The following PSME3 variants were observed in gnomAD, a reference collection of about 807,000 sequenced individuals.
PSME3 encodes the protein proteasome activator subunit 3, also known as proteasome activator complex subunit 3.
PSME3 carries 7 observed loss-of-function variants against 38.3 expected under a neutral mutation model. The observed-to-expected ratio is 0.18, with a 90% CI of 0.10 to 0.34. The LOEUF is 0.34. PSME3 is among the 10% of genes least tolerant of loss of function. PSME3 has a pLI of 1.00. For missense variants in PSME3, 192 were observed against 307.6 expected (o/e 0.62, Z 2.81); for synonymous variants, 108 against 105.7 (o/e 1.02, Z -0.13).
intron 3 of PSME3, 87 bp downstream of exon 3, chr17:42,834,664 C>G: frequency 6.3e-7 from 1 of 1,599,226 alleles, no homozygotes; most frequent in South Asian, 1.1e-5. Context: ...GATTCTTCTT[C>G]TTTTTATTTT....
intron 5 of PSME3, among the ~76,000 whole-genome samples, 178 bp from the exon 6 acceptor site, chr17:42,837,915 C>G (rs1404098469): frequency 2.0e-5 from 3 of 152,178 alleles, no homozygotes; most frequent in Non-Finnish European, 2.9e-5. Flanking sequence ...GTTTTAGACG[C>G]TCATCTGTAG....
Position 42,838,089 on chromosome 17 carries a change from C to T in PSME3, c.293-4C>T. On this transcript the variant is annotated splice_polypyrimidine_tract_variant and splice_region_variant and intron_variant, in intron 5 of 10. Coordinates refer to ENST00000590720, the MANE Select transcript of PSME3 (RefSeq NM_005789.4). ...TGATCATTTGACCTTCACATCTCTGCCAGGAACCAAGGTGTTTGTGATGCC... is the reference window on the plus strand; with the variant it reads ...TGATCATTTGACCTTCACATCTCTGTCAGGAACCAAGGTGTTTGTGATGCC... 6.2e-7 allele frequency: 1 copy of T among 1,614,042 alleles called. No individual in the cohort carries two copies. The highest frequency in any genetic ancestry group is 8.5e-7 in the Non-Finnish European group (1 of 1,179,934).
intron 10 of PSME3, among the ~76,000 whole-genome samples, chr17:42,840,140 G>A (rs1371184728): frequency 6.6e-6 from 1 of 151,486 alleles, no homozygotes; most frequent in Non-Finnish European, 1.5e-5. Context: ...AAATTTAGCC[G>A]GGCGTGGCGG....
In PSME3 at chr17:42,838,222, T is replaced by G. The variant is rs550362663; in HGVS notation, c.405+17T>G. On this transcript the variant is annotated intron_variant, in intron 6 of 10. Coordinates refer to ENST00000590720, the MANE Select transcript of PSME3 (RefSeq NM_005789.4). ...TGTAACACGGTGAGGCACAGGCTGG[T>G]GACCTATGGGCCGGCCCCAAGTACC... 1.2e-5 allele frequency: 20 copies of G among 1,613,404 alleles called. No homozygotes were observed. The South Asian group carries it at 2.1e-4, about 17-fold the overall frequency.
Position 42,833,681 on chromosome 17 carries a change from C to T in PSME3, c.42+8C>T, listed in dbSNP as rs2055426074. ...CAGGAAGTGAAGCTCAAGGTAGCGG[C>T]ACCGGTCCGGCCTTTTTGCCCCTCG... On this transcript the variant is annotated splice_region_variant and intron_variant, in intron 1 of 10. Coordinates refer to ENST00000590720, the MANE Select transcript of PSME3 (RefSeq NM_005789.4). 20 of 1,614,126 alleles carry T rather than the reference C, an allele frequency of 1.2e-5. No homozygotes were observed. The highest frequency in any genetic ancestry group is 1.5e-5 in the Non-Finnish European group (18 of 1,180,046).
rs143326386 is a variant in PSME3, at chr17:42,840,701, A to G, written c.685-797A>G. 2.8e-3 allele frequency among the ~76,000 whole-genome samples: 419 copies of G among 152,354 alleles called. 1 individual carries two copies. Among genetic ancestry groups the G allele is most frequent in the African/African-American group, 9.3e-3 (386 of 41,580 alleles). Reference sequence around the variant, plus strand: ...GATAACACATTGAAGGACCTGGTACAATTCTTACTATGTTAAGTGCACAAT... The same window carrying G: ...GATAACACATTGAAGGACCTGGTACGATTCTTACTATGTTAAGTGCACAAT... On this transcript the variant is annotated intron_variant, in intron 10 of 10. Transcript: ENST00000590720.
chr17:42,833,838 A>C, intron 1 of PSME3, 165 bp downstream of exon 1: 1 of 1,535,404 alleles, frequency 6.5e-7, no homozygotes, highest in Non-Finnish European at 8.8e-7. Context: ...GCGGGAGAGG[A>C]AAATATAGGA....
intron 2 of PSME3, 49 bp from the exon 3 acceptor site, chr17:42,834,466 G>GAGAC (rs1195587993): frequency 1.2e-6 from 2 of 1,601,332 alleles, no homozygotes; most frequent in Non-Finnish European, 1.7e-6. Flanking sequence ...GAGAGAGAGA[G>GAGAC]AGACCTTCCC....
intron 4 of PSME3, 83 bp downstream of exon 4, chr17:42,834,959 G>A: frequency 1.3e-6 from 2 of 1,562,738 alleles, no homozygotes; most frequent in South Asian, 1.2e-5. Context: ...GATGTACAGA[G>A]GGAACAGTGG....
chr17:42,835,724 CAAAAA>C (rs543220645), intron 4 of PSME3, among the ~76,000 whole-genome samples: 1 of 121,990 alleles, frequency 8.2e-6, no homozygotes, highest in Non-Finnish European at 1.8e-5. Context: ...GACTCTGTCT[CAAAAA>C]AAAAAAAAGA....
At chr17:42,833,806 C>G (rs781064700) in intron 1 of PSME3, 133 bp downstream of exon 1, 1 of 1,583,270 alleles carries the variant, frequency 6.3e-7, no homozygotes, top group Non-Finnish European at 8.6e-7. Context: ...CAGCCCAGCC[C>G]CCAACTCCCG....
At position 42,834,845 on chromosome 17, in the gene PSME3, T is replaced by G. The variant is rs2055442674; in HGVS notation, c.212T>G (p.Leu71Arg). 3.1e-6 allele frequency: 5 copies of G among 1,614,066 alleles called. No individual in the cohort carries two copies. Among genetic ancestry groups the G allele is most frequent in the Non-Finnish European group, 4.2e-6 (5 of 1,179,970 alleles). ...AATCTCCCAGTCCCTGACCCCATTCTTCTCACCAATAGCCATGATGGACTG... is the reference window on the plus strand; with the variant it reads ...AATCTCCCAGTCCCTGACCCCATTCGTCTCACCAATAGCCATGATGGACTG... ...DMNLPVPDPILLTNSHDGLDG... is the reference protein window; with the variant it reads ...DMNLPVPDPIRLTNSHDGLDG... The change falls in exon 4 of 11, where the codon CTT (leucine) becomes CGT (arginine). Residue 71 changes from leucine (L) to arginine (R), a missense_variant. By Grantham distance (102) the Leu-to-Arg change is moderately radical. Around this residue, in one of 2 missense-constraint regions of PSME3, gnomAD observed 110 missense variants for 139.3 expected, o/e 0.79. Transcript: ENST00000590720.
intron 5 of PSME3, 78 bp from the exon 6 acceptor site, chr17:42,838,015 T>C: frequency 6.9e-7 from 1 of 1,455,922 alleles, no homozygotes; most frequent in East Asian, 2.3e-5. Context: ...CTGATAGGTA[T>C]AGGGAAAATG....
At position 42,841,504 on chromosome 17, in the gene PSME3, C is replaced by T; in HGVS notation, c.691C>T (p.Leu231=). The change falls in exon 11 of 11, where the codon CTA becomes TTA. Residue 231 remains leucine (L), a synonymous_variant. Transcript: ENST00000590720. ...CTGATCCCTCTTCTCTCAGGTCACT[C>T]TACATGACATGATCCTGAAAAATAT... ...ISELRNQYVT[L]HDMILKNIEK... The T allele has an allele frequency of 6.2e-7, 1 of 1,600,606 alleles. No individual in the cohort carries two copies. Among genetic ancestry groups the T allele is most frequent in the South Asian group, 1.1e-5 (1 of 90,230 alleles).
chr17:42,840,114 TA>T (rs565087528), intron 10 of PSME3, among the ~76,000 whole-genome samples: 3,859 of 128,800 alleles, frequency 0.03, 109 homozygotes, highest in African/African-American at 0.084. Context: ...CCATCTTTAC[TA>T]AAAAAAAAAA....
intron 4 of PSME3, among the ~76,000 whole-genome samples, chr17:42,836,527 TA>T (rs2144246895): frequency 6.6e-6 from 1 of 152,338 alleles, no homozygotes; most frequent in African/African-American, 2.4e-5. Flanking sequence ...TCTTCCCAAC[TA>T]GAGCGTAATT....
intron 4 of PSME3, among the ~76,000 whole-genome samples, chr17:42,836,505 T>C (rs532759332): frequency 1.3e-5 from 2 of 152,236 alleles, no homozygotes; most frequent in Non-Finnish European, 2.9e-5. Flanking sequence ...ATTGTGTTTC[T>C]GGAAAGATTG....
chr17:42,837,994 G>A, intron 5 of PSME3, 99 bp from the exon 6 acceptor site: 3 of 1,268,948 alleles, frequency 2.4e-6, no homozygotes, highest in Non-Finnish European at 2.3e-6. Context: ...CAAAGGCAGA[G>A]GTCATAGCAT....
intron 5 of PSME3, 69 bp from the exon 6 acceptor site, chr17:42,838,024 T>C (rs2055484097): frequency 7.8e-6 from 12 of 1,536,662 alleles, no homozygotes; most frequent in Non-Finnish European, 1.1e-5. Context: ...ATAGGGAAAA[T>C]GAGAGAGAGG....
Sources: gnomAD v4.1 joint callset for allele counts (sites outside exome capture counted in the v4.1 genomes callset) on GRCh38, gnomAD v4.1.1 for gene constraint, gnomAD v4.1.1 regional missense constraint, MANE v1.5 for transcripts, NCBI Gene and HGNC (gene_info 2026-07-23, HGNC 2026-07-21) for gene names.